NGEF: variants seen among roughly 807,000 people sequenced by gnomAD.
NGEF encodes ephexin-1.
Under a neutral mutation model 80.9 loss-of-function variants are expected in NGEF, and 31 were observed. The ratio of observed to expected loss-of-function variants is 0.38; its 90% CI spans 0.29 to 0.52. The LOEUF (loss-of-function observed/expected upper bound fraction) is 0.52, where lower values mean the gene tolerates loss of function less well. Ranked by LOEUF, NGEF falls within the 20% of genes least tolerant of loss-of-function variation. NGEF has a pLI of 0.84. For missense variants in NGEF, 709 were observed against 926.2 expected (o/e 0.77, Z 3.04); for synonymous variants, 371 against 370.2 (o/e 1.00, Z -0.03).
intron 1 of NGEF, among the ~76,000 whole-genome samples, chr2:232,983,768 ATTGAATACCAG>A (rs1241387844): frequency 1.3e-5 from 2 of 152,116 alleles, no homozygotes; most frequent in African/African-American, 4.8e-5. Flanking sequence ...GGAACAACTC[ATTGAATACCAG>A]TTTAACAATC....
chr2:232,967,068 G>T (rs1315108637), intron 3 of NGEF, among the ~76,000 whole-genome samples: 3 of 152,140 alleles, frequency 2.0e-5, no homozygotes, highest in African/African-American at 7.2e-5. Flanking sequence ...GGTGGGGCCT[G>T]GTGGGAGGTG....
At chr2:232,951,078 A>C (rs899805290) in intron 3 of NGEF, among the ~76,000 whole-genome samples, 1 of 152,112 alleles carries the variant, frequency 6.6e-6, no homozygotes, top group African/African-American at 2.4e-5. Flanking sequence ...AGAGGCCGGC[A>C]CCTTCAGCTT....
intron 2 of NGEF, 53 bp from the exon 3 acceptor site, chr2:232,970,381 A>C: frequency 1.7e-6 from 2 of 1,200,474 alleles, no homozygotes; most frequent in Non-Finnish European, 2.4e-6. Context: ...AACCCTTTTC[A>C]GGCAATTCTC....
At chr2:232,891,591 G>A in intron 7 of NGEF, 104 bp from the exon 8 acceptor site, 1 of 1,310,814 alleles carries the variant, frequency 7.6e-7, no homozygotes, top group South Asian at 1.5e-5. Context: ...CGACCCACGG[G>A]CTCAGAAAAC....
At chr2:233,006,230 C>G (rs1195954865) in intron 1 of NGEF, among the ~76,000 whole-genome samples, 1 of 152,126 alleles carries the variant, frequency 6.6e-6, no homozygotes. Flanking sequence ...ATTGAGTTCC[C>G]CAAAACTCTT....
At chr2:232,989,904 C>T (rs918302484) in intron 1 of NGEF, among the ~76,000 whole-genome samples, 1 of 152,070 alleles carries the variant, frequency 6.6e-6, no homozygotes, top group African/African-American at 2.4e-5. Context: ...AAATACCAAT[C>T]CCCAGCAAAA....
chr2:232,894,675 C>T lies in NGEF; in HGVS notation c.989+81G>A. 4.7e-6 allele frequency: 6 copies of T among 1,287,626 alleles called. No homozygotes were observed. The South Asian group carries it at 6.0e-5, about 13-fold the overall frequency. 79.8% of individuals were successfully genotyped at this position (1,287,626 alleles called of 1,614,324 possible). A position where few individuals can be genotyped will look rare whatever the true frequency, so the allele number is the denominator to read the frequency against. On this transcript the variant is annotated intron_variant, in intron 6 of 14. Coordinates refer to ENST00000264051, the MANE Select transcript of NGEF (RefSeq NM_019850.3). Reference sequence around the variant, plus strand: ...TGGAAGTAGAGAAGCCAGTATCGAGCACTTGTCATCAGTGTCTCAAGCATG... The same window carrying T: ...TGGAAGTAGAGAAGCCAGTATCGAGTACTTGTCATCAGTGTCTCAAGCATG...
At chr2:232,893,162 C>A (rs1479463777) in intron 6 of NGEF, 112 bp from the exon 7 acceptor site, 2 of 1,078,518 alleles carry the variant, frequency 1.9e-6, no homozygotes, top group East Asian at 2.5e-5. Context: ...GCAGTGTGCA[C>A]GGTGAGCGTA....
intron 1 of NGEF, among the ~76,000 whole-genome samples, chr2:232,980,376 G>A (rs1044909372): frequency 2.6e-5 from 4 of 152,190 alleles, no homozygotes; most frequent in African/African-American, 9.7e-5. Context: ...GGAGCAAGGT[G>A]GGTGTGGAGA....
At chr2:232,941,004 C>A (rs2106296640) in intron 3 of NGEF, among the ~76,000 whole-genome samples, 1 of 151,136 alleles carries the variant, frequency 6.6e-6, no homozygotes, top group African/African-American at 2.4e-5. Flanking sequence ...GTGCGGGAGA[C>A]CAGAGTTTTA....
chr2:232,963,748 G>A (rs1453864351), intron 3 of NGEF, among the ~76,000 whole-genome samples: 4 of 152,054 alleles, frequency 2.6e-5, no homozygotes, highest in African/African-American at 9.7e-5. Context: ...TGGGAGGCAA[G>A]GTTGCAGTGA....
intron 1 of NGEF, among the ~76,000 whole-genome samples, chr2:232,993,146 T>A (rs1420011537): frequency 1.6e-5 from 2 of 126,944 alleles, no homozygotes; most frequent in Non-Finnish European, 3.2e-5. Context: ...TTTATATATA[T>A]ATGGGCAAAT....
intron 9 of NGEF, among the ~76,000 whole-genome samples, chr2:232,886,644 CAG>C (rs1691705812): frequency 1.3e-5 from 2 of 152,026 alleles, no homozygotes; most frequent in African/African-American, 4.8e-5. Context: ...CTATTAGAAA[CAG>C]AGAATACCTT....
chr2:232,925,887 C>A (rs1693053919), intron 4 of NGEF, among the ~76,000 whole-genome samples: 1 of 152,212 alleles, frequency 6.6e-6, no homozygotes, highest in African/African-American at 2.4e-5. Flanking sequence ...ACCACCACCA[C>A]CCAGCCTGAC....
At chr2:232,980,645 C>T (rs897172576) in intron 1 of NGEF, among the ~76,000 whole-genome samples, 1 of 152,028 alleles carries the variant, frequency 6.6e-6, no homozygotes, top group African/African-American at 2.4e-5. Context: ...ATTATAGGTG[C>T]CTATCACCGT....
At chr2:232,922,467 T>C (rs1042423575) in intron 4 of NGEF, among the ~76,000 whole-genome samples, 2 of 152,120 alleles carry the variant, frequency 1.3e-5, no homozygotes, top group Non-Finnish European at 2.9e-5. Context: ...CCCAGCCGGA[T>C]ACAACATGGA....
chr2:232,997,046 C>T lies in NGEF; in HGVS notation c.-75+16022G>A, dbSNP rs573933306. 3.3e-5 allele frequency among the ~76,000 whole-genome samples: 5 copies of T among 152,278 alleles called. No homozygotes were observed. In the South Asian group the frequency reaches 6.2e-4, roughly 19 times the overall value. On this transcript the variant is annotated intron_variant, in intron 1 of 14. Coordinates refer to ENST00000264051, the MANE Select transcript of NGEF (RefSeq NM_019850.3). Reference sequence around the variant, plus strand: ...TCTGAACGTTCTCTCTTGTGCCTGGCGTCCTTCCTCAGTGCACCCTCATAG... The same window carrying T: ...TCTGAACGTTCTCTCTTGTGCCTGGTGTCCTTCCTCAGTGCACCCTCATAG...
chr2:232,977,259 C>G (rs568852208), intron 1 of NGEF, among the ~76,000 whole-genome samples: 1 of 152,122 alleles, frequency 6.6e-6, no homozygotes. Context: ...GCTGCAAGGA[C>G]GGGCAGAGAC....
At chr2:232,911,641 G>A (rs1275261379) in intron 5 of NGEF, among the ~76,000 whole-genome samples, 3 of 152,142 alleles carry the variant, frequency 2.0e-5, no homozygotes, top group Non-Finnish European at 4.4e-5. Flanking sequence ...TCCATAAACA[G>A]TTTGTCTCTT....
Sources: allele counts gnomAD v4.1 joint callset (sites outside exome capture counted in the v4.1 genomes callset), GRCh38; gene constraint gnomAD v4.1.1; transcripts MANE v1.5; gene names NCBI Gene and HGNC (gene_info 2026-07-23, HGNC 2026-07-21).